Variants in DAB1 observed in about 807,000 individuals in gnomAD.
DAB1 encodes the protein DAB adaptor protein 1.
A neutral mutation model predicts 64.6 loss-of-function variants in DAB1; 15 were observed. The observed-to-expected ratio is 0.23, with a 90% CI of 0.16 to 0.36. The LOEUF (loss-of-function observed/expected upper bound fraction) is 0.36, where lower values mean the gene tolerates loss of function less well. Among genes scored for constraint, DAB1 ranks in the 10% least tolerant of loss-of-function variants. DAB1 has a pLI of 1.00. For synonymous variants in DAB1, 235 were observed against 251.9 expected (o/e 0.93, Z 0.64); for missense variants, 596 against 706.7 (o/e 0.84, Z 1.78).
chr1:58,492,594 A>T (rs553509560), intron 3 of DAB1, among the ~76,000 whole-genome samples: 13 of 152,324 alleles, frequency 8.5e-5, no homozygotes, highest in African/African-American at 2.9e-4. Context: ...ATCACCACCG[A>T]TCCCACAGAA....
chr1:58,069,555 G>T (rs1649103200), intron 5 of DAB1, among the ~76,000 whole-genome samples: 1 of 152,116 alleles, frequency 6.6e-6, no homozygotes, highest in African/African-American at 2.4e-5. Context: ...GGCCCAGAGA[G>T]GTTAATTAAC....
chr1:57,783,106 C>CTTT (rs58761251), intron 6 of DAB1, among the ~76,000 whole-genome samples: 34,642 of 99,746 alleles, frequency 0.35, 6,947 homozygotes, highest in South Asian at 0.4. Flanking sequence ...TCTCTCTTTT[C>CTTT]TTTTTTTTTT....
chr1:57,694,564 T>C (rs1250304301), intron 6 of DAB1, among the ~76,000 whole-genome samples: 1 of 152,162 alleles, frequency 6.6e-6, no homozygotes, highest in African/African-American at 2.4e-5. Context: ...AAACTAGTTA[T>C]CTCTGGAGAG....
At chr1:57,022,439 C>T (rs1472504381) in intron 11 of DAB1, among the ~76,000 whole-genome samples, 1 of 152,224 alleles carries the variant, frequency 6.6e-6, no homozygotes, top group Non-Finnish European at 1.5e-5. Flanking sequence ...CAATTGAATA[C>T]ATTTCTAGGC....
At chr1:57,563,484 G>A (rs1228157528) in intron 7 of DAB1, among the ~76,000 whole-genome samples, 2 of 152,108 alleles carry the variant, frequency 1.3e-5, no homozygotes, top group Non-Finnish European at 2.9e-5. Flanking sequence ...GCCGAAGCAG[G>A]GTGAGGCATT....
At chr1:57,370,335 G>A (rs909010316) in intron 1 of DAB1, among the ~76,000 whole-genome samples, 1 of 152,188 alleles carries the variant, frequency 6.6e-6, no homozygotes, top group East Asian at 1.9e-4. Flanking sequence ...ACTGAATAGA[G>A]AAGAGACCTG....
intron 5 of DAB1, among the ~76,000 whole-genome samples, chr1:58,134,297 G>A (rs900519114): frequency 6.6e-5 from 10 of 152,082 alleles, no homozygotes; most frequent in African/African-American, 1.7e-4. Flanking sequence ...CCTTGTATCC[G>A]CACATGCTGG....
intron 2 of DAB1, among the ~76,000 whole-genome samples, chr1:57,265,649 G>A (rs1220469676): frequency 6.6e-6 from 1 of 152,130 alleles, no homozygotes; most frequent in Non-Finnish European, 1.5e-5. Flanking sequence ...TCAAGTTTGA[G>A]TTCTCATTGT....
chr1:57,059,935 T>C (rs1650210665), intron 9 of DAB1, among the ~76,000 whole-genome samples: 1 of 152,106 alleles, frequency 6.6e-6, no homozygotes, highest in Admixed American at 6.6e-5. Context: ...TACCATCAGT[T>C]GGTTCTAGGA....
chr1:58,438,084 TCTCC>T (rs753622396), intron 3 of DAB1, among the ~76,000 whole-genome samples: 13 of 152,270 alleles, frequency 8.5e-5, no homozygotes, highest in Non-Finnish European at 1.6e-4. Flanking sequence ...GACCCTGTCC[TCTCC>T]CTGAGGCCCC....
chr1:57,751,061 T>C (rs1162481488), intron 6 of DAB1, among the ~76,000 whole-genome samples: 1 of 152,104 alleles, frequency 6.6e-6, no homozygotes. Context: ...GGCTTACTGC[T>C]CAGCCTCAGC....
upstream of DAB1, among the ~76,000 whole-genome samples, chr1:57,427,228 G>C (rs1421551333): frequency 6.6e-6 from 1 of 152,126 alleles, no homozygotes; most frequent in Non-Finnish European, 1.5e-5. Flanking sequence ...TCTCTTCCCA[G>C]AATAATTCTA....
chr1:57,368,651 G>A (rs1680254282), intron 1 of DAB1, among the ~76,000 whole-genome samples: 1 of 152,142 alleles, frequency 6.6e-6, no homozygotes, highest in East Asian at 1.9e-4. Context: ...TCTTCCTCCA[G>A]AGAGGAGCTA....
chr1:58,457,333 A>T (rs1378094352), intron 3 of DAB1, among the ~76,000 whole-genome samples: 1 of 152,036 alleles, frequency 6.6e-6, no homozygotes, highest in Non-Finnish European at 1.5e-5. Flanking sequence ...CCTCCCTCCC[A>T]AGGCTGGAAA....
At chr1:58,149,219 T>C (rs1038632759) in intron 5 of DAB1, among the ~76,000 whole-genome samples, 1 of 152,286 alleles carries the variant, frequency 6.6e-6, no homozygotes, top group Admixed American at 6.5e-5. Flanking sequence ...AGTTTTATGA[T>C]AGGTATGAAC....
At chr1:57,040,846 A>G (rs1256271116) in intron 9 of DAB1, among the ~76,000 whole-genome samples, 1 of 152,260 alleles carries the variant, frequency 6.6e-6, no homozygotes, top group Non-Finnish European at 1.5e-5. Context: ...AATTAGAATC[A>G]CAGTAATGTG....
In DAB1 at chr1:57,095,506, C is replaced by T. The variant is rs1397240303; in HGVS notation, c.307-23092G>A. Among the ~76,000 whole-genome samples the T allele has an allele frequency of 2.6e-5, 4 of 152,146 alleles. No homozygotes were observed. In the East Asian group the frequency reaches 7.7e-4, roughly 29 times the overall value. The stretch of plus-strand genomic sequence containing the variant: ...TGGTTTGGCAGATATACTTAGACTC[C>T]CCATTTCAAACAAAGAAAAGTCAAC... On this transcript the variant is annotated intron_variant, in intron 4 of 14. Coordinates refer to ENST00000371236, the MANE Select transcript of DAB1 (RefSeq NM_001365792.1).
chr1:57,217,495 A>G (rs1366531714), intron 2 of DAB1, among the ~76,000 whole-genome samples: 1 of 152,200 alleles, frequency 6.6e-6, no homozygotes, highest in Non-Finnish European at 1.5e-5. Flanking sequence ...AAGCCAAAAA[A>G]GAAAACGAAC....
intron 3 of DAB1, among the ~76,000 whole-genome samples, chr1:58,396,050 T>C (rs1490717580): frequency 6.6e-6 from 1 of 151,940 alleles, no homozygotes; most frequent in Non-Finnish European, 1.5e-5. Context: ...GGCTACAATC[T>C]ATGTCCTGTC....
Sources: allele counts gnomAD v4.1 joint callset (sites outside exome capture counted in the v4.1 genomes callset), GRCh38; gene constraint gnomAD v4.1.1; transcripts MANE v1.5; gene names NCBI Gene and HGNC (gene_info 2026-07-23, HGNC 2026-07-21).